MGMT: variants seen among roughly 807,000 people sequenced by gnomAD.
MGMT encodes the protein methylated-DNA--protein-cysteine methyltransferase.
In MGMT, 14 loss-of-function variants were observed where a neutral mutation model predicts 15.9. The ratio of observed to expected loss-of-function variants is 0.88; its 90% CI spans 0.58 to 1.37. The LOEUF is 1.37. Ranked by LOEUF, MGMT falls within the 40% of genes most tolerant of loss-of-function variation. MGMT has a pLI of 0.00. For synonymous variants in MGMT, 130 were observed against 118.2 expected (o/e 1.10, Z -0.65); for missense variants, 282 against 268.1 (o/e 1.05, Z -0.36).
chr10:129,572,493 T>G (rs1846431937), intron 2 of MGMT, among the ~76,000 whole-genome samples: 1 of 152,364 alleles, frequency 6.6e-6, no homozygotes, highest in South Asian at 2.1e-4. Flanking sequence ...GAGTGTCTTC[T>G]GAGTAGTTGG....
intron 2 of MGMT, among the ~76,000 whole-genome samples, chr10:129,673,615 C>T (rs1021882096): frequency 6.6e-6 from 1 of 152,110 alleles, no homozygotes; most frequent in Non-Finnish European, 1.5e-5. Context: ...AGGACCAGCC[C>T]TCTGGTTCTG....
At chr10:129,744,035 A>G (rs563462893) in intron 3 of MGMT, among the ~76,000 whole-genome samples, 1 of 152,378 alleles carries the variant, frequency 6.6e-6, no homozygotes, top group East Asian at 1.9e-4. Context: ...ATAAAACAGC[A>G]TCTGGCTGGG....
chr10:129,563,529 T>A (rs1187190256), intron 2 of MGMT, among the ~76,000 whole-genome samples: 1 of 152,132 alleles, frequency 6.6e-6, no homozygotes, highest in Non-Finnish European at 1.5e-5. Flanking sequence ...TTTTCAATTA[T>A]GAGTTTTGTC....
At chr10:129,516,430 G>GA (rs940285947) in intron 1 of MGMT, among the ~76,000 whole-genome samples, 3 of 152,178 alleles carry the variant, frequency 2.0e-5, no homozygotes, top group South Asian at 2.1e-4. Flanking sequence ...GGGGTGGGGT[G>GA]AAGGGATACA....
intron 2 of MGMT, among the ~76,000 whole-genome samples, chr10:129,674,774 C>A (rs769770660): frequency 5.9e-5 from 9 of 152,236 alleles, no homozygotes; most frequent in Non-Finnish European, 1.2e-4. Flanking sequence ...TGGTCCATAG[C>A]CCTCTGTGGG....
At chr10:129,731,611 G>T (rs1209838468) in intron 3 of MGMT, among the ~76,000 whole-genome samples, 2 of 151,952 alleles carry the variant, frequency 1.3e-5, no homozygotes, top group African/African-American at 4.8e-5. Flanking sequence ...GGCCAGGCTG[G>T]TCTTGAACTC....
At chr10:129,564,667 C>A (rs1289993815) in intron 2 of MGMT, among the ~76,000 whole-genome samples, 9 of 127,932 alleles carry the variant, frequency 7.0e-5, no homozygotes, top group African/African-American at 2.1e-4. Flanking sequence ...CTCCTTCCTC[C>A]CCCTCCTCTC....
chr10:129,691,140 A>G (rs763973952), intron 2 of MGMT, among the ~76,000 whole-genome samples: 21 of 152,244 alleles, frequency 1.4e-4, no homozygotes, highest in Non-Finnish European at 2.5e-4. Context: ...CGGCGTGGGG[A>G]GAAGGCTGAC....
chr10:129,486,850 C>G (rs1417270015), intron 1 of MGMT, among the ~76,000 whole-genome samples: 1 of 152,180 alleles, frequency 6.6e-6, no homozygotes, highest in Non-Finnish European at 1.5e-5. Flanking sequence ...AAAAATGAGA[C>G]CAGACAGAAG....
At chr10:129,526,575 G>A (rs1019743229) in intron 1 of MGMT, among the ~76,000 whole-genome samples, 2 of 152,170 alleles carry the variant, frequency 1.3e-5, no homozygotes, top group Non-Finnish European at 2.9e-5. Context: ...GCCCAGGCTG[G>A]TCTGCAACTC....
intron 3 of MGMT, among the ~76,000 whole-genome samples, chr10:129,744,812 G>A (rs751940235): frequency 3.9e-5 from 6 of 152,366 alleles, no homozygotes; most frequent in South Asian, 4.1e-4. Context: ...AGTAGATGCC[G>A]GGTGGGGATC....
At chr10:129,552,758 C>G (rs1023089754) in intron 2 of MGMT, among the ~76,000 whole-genome samples, 1 of 152,340 alleles carries the variant, frequency 6.6e-6, no homozygotes, top group Admixed American at 6.5e-5. Flanking sequence ...TGCTGATGTC[C>G]GTGAGGACTG....
chr10:129,758,153 C>T (rs1848828269), intron 3 of MGMT, among the ~76,000 whole-genome samples: 1 of 152,166 alleles, frequency 6.6e-6, no homozygotes, highest in Non-Finnish European at 1.5e-5. Context: ...TTATCGTTCC[C>T]TTCAGTTAAG....
At chr10:129,666,114 G>A (rs961201965) in intron 2 of MGMT, among the ~76,000 whole-genome samples, 3 of 152,148 alleles carry the variant, frequency 2.0e-5, no homozygotes, top group African/African-American at 7.2e-5. Flanking sequence ...AAAAACAGTG[G>A]CAAGATGGTA....
At chr10:129,564,209 C>CTCCCCCTCCTTCCCCCT (rs1846315244) in intron 2 of MGMT, 1 of 92,660 alleles carries the variant, frequency 1.1e-5, no homozygotes, top group Non-Finnish European at 2.2e-5. Flanking sequence ...TCTTCCTCCT[C>CTCCCCCTCCTTCCCCCT]TCCCCCTCCT....
intron 2 of MGMT, among the ~76,000 whole-genome samples, chr10:129,571,595 C>T (rs1846420182): frequency 6.6e-6 from 1 of 152,050 alleles, no homozygotes; most frequent in South Asian, 2.1e-4. Flanking sequence ...AAAACTCACC[C>T]AGAGAAATTT....
At chr10:129,476,871 C>T (rs549103095) in intron 1 of MGMT, among the ~76,000 whole-genome samples, 6 of 152,172 alleles carry the variant, frequency 3.9e-5, no homozygotes, top group Non-Finnish European at 8.8e-5. Flanking sequence ...GACTGAGTGG[C>T]AGGGTCCACC....
chr10:129,568,842 C>T (rs966200832), intron 2 of MGMT, among the ~76,000 whole-genome samples: 28 of 152,130 alleles, frequency 1.8e-4, no homozygotes, highest in Non-Finnish European at 1.0e-4. Flanking sequence ...TTTCTTCCTG[C>T]GCTGCAACAG....
At chr10:129,500,257 G>A (rs1350578669) in intron 1 of MGMT, among the ~76,000 whole-genome samples, 1 of 152,220 alleles carries the variant, frequency 6.6e-6, no homozygotes, top group African/African-American at 2.4e-5. Flanking sequence ...TACCGTAGAA[G>A]CGTGTGCTGT....
Sources: gnomAD v4.1 joint callset for allele counts (sites outside exome capture counted in the v4.1 genomes callset) on GRCh38, gnomAD v4.1.1 for gene constraint, MANE v1.5 for transcripts, NCBI Gene and HGNC (gene_info 2026-07-23, HGNC 2026-07-21) for gene names.